The following SRL variants were observed in gnomAD, a reference collection of about 807,000 sequenced individuals.
SRL encodes the protein sarcalumenin.
SRL carries 23 observed loss-of-function variants against 39.5 expected under a neutral mutation model. The ratio of observed to expected loss-of-function variants is 0.58; its 90% CI spans 0.42 to 0.82. The LOEUF is 0.82. Ranked by LOEUF, SRL falls within the 40% of genes least tolerant of loss-of-function variation. SRL has a pLI of 0.00. For synonymous variants in SRL, 272 were observed against 237.4 expected, an observed-to-expected ratio of 1.15 and a Z score of -1.34; for missense variants, 592 against 607.8, an observed-to-expected ratio of 0.97 and a Z score of 0.27.
At position 4,191,768 on chromosome 16, in the gene SRL, G is replaced by A. The variant is rs948819823; in HGVS notation, c.*385C>T. 6.5e-5 allele frequency: 12 copies of A among 184,278 alleles called. No individual in the cohort carries two copies. The highest frequency in any genetic ancestry group is 6.1e-4 in the Admixed American group (11 of 18,086). 11.4% of individuals were successfully genotyped at this position (184,278 alleles called of 1,614,324 possible). ...TGGACCTGACAATCTCTACGACTCAGGCCTTCGCTGTTTTCCCAGCTCACA... is the reference window on the plus strand; with the variant it reads ...TGGACCTGACAATCTCTACGACTCAAGCCTTCGCTGTTTTCCCAGCTCACA... On this transcript the variant is annotated 3_prime_UTR_variant, in exon 6 of 6. Coordinates refer to ENST00000399609, the MANE Select transcript of SRL (RefSeq NM_001098814.2).
At chr16:4,209,289 A>T (rs1042411023) in intron 1 of SRL, among the ~76,000 whole-genome samples, 1 of 151,724 alleles carries the variant, frequency 6.6e-6, no homozygotes, top group African/African-American at 2.4e-5. Context: ...AAAAAGAAAA[A>T]AGAAAATGGG....
intron 1 of SRL, 106 bp downstream of exon 1, chr16:4,241,901 G>T: frequency 1.7e-6 from 2 of 1,208,992 alleles, no homozygotes; most frequent in Non-Finnish European, 2.4e-6. Flanking sequence ...CAAGAGCCAG[G>T]GTTTGCCATC....
chr16:4,215,168 A>G (rs2052442653), intron 1 of SRL, among the ~76,000 whole-genome samples: 1 of 152,124 alleles, frequency 6.6e-6, no homozygotes, highest in East Asian at 1.9e-4. Context: ...GCTTGTCTGC[A>G]TTCTCCCAGG....
intron 3 of SRL, among the ~76,000 whole-genome samples, chr16:4,199,992 C>CA (rs2052204770): frequency 6.9e-6 from 1 of 144,788 alleles, no homozygotes; most frequent in African/African-American, 2.9e-5. Flanking sequence ...CCCCCACACC[C>CA]GGCCCCATCT....
rs370784490 is a variant in SRL, at chr16:4,197,862, C to G, written c.313G>C (p.Gly105Arg). Residue 105 changes from glycine to arginine, a missense_variant, in exon 4 of 6, where the codon GGT becomes CGT. Gly to Arg is a moderately radical substitution (Grantham distance 125). Coordinates refer to ENST00000399609, the MANE Select transcript of SRL (RefSeq NM_001098814.2). Reference sequence around the variant, plus strand: ...AGGTAGTTTATCATGGTAGATTTACCAACACTCCACGGTCCCAGGAACAGT... The same window carrying G: ...AGGTAGTTTATCATGGTAGATTTACGAACACTCCACGGTCCCAGGAACAGT... ...MVLFLGPWSV[G>R]KSTMINYLLG... 24 of 1,613,980 alleles carry G rather than the reference C, an allele frequency of 1.5e-5. No individual in the cohort carries two copies. The highest frequency in any genetic ancestry group is 1.7e-5 in the Non-Finnish European group (20 of 1,179,992).
rs183837248 is a variant in SRL at position 4,208,670 on chromosome 16, C to T, written c.62-4036G>A. 8.5e-5 allele frequency among the ~76,000 whole-genome samples: 13 copies of T among 152,320 alleles called. No homozygotes were observed. The East Asian group carries it at 2.3e-3, about 27-fold the overall frequency. Reference sequence around the variant, plus strand: ...GGCCGGATAATCTTAGGTTACACAGCACGGTGCTTAAGGGATTACTTGTGG... The same window carrying T: ...GGCCGGATAATCTTAGGTTACACAGTACGGTGCTTAAGGGATTACTTGTGG... On this transcript the variant is annotated intron_variant, in intron 1 of 5. Transcript: ENST00000399609.
chr16:4,207,060 CCTTCCTGGGGCTCCCTGG>C (rs2052330113), intron 1 of SRL: 2 of 452,670 alleles, frequency 4.4e-6, no homozygotes, highest in South Asian at 1.6e-5. Flanking sequence ...CAGATCCCCG[CCTTCCTGGGGCTCCCTGG>C]CTTCCTGGGG....
intron 4 of SRL, among the ~76,000 whole-genome samples, chr16:4,197,268 C>A (rs190884792): frequency 1.3e-5 from 2 of 151,694 alleles, no homozygotes; most frequent in African/African-American, 4.8e-5. Context: ...CGGGGTTTCA[C>A]CATGTTGGCC....
intron 4 of SRL, 135 bp downstream of exon 4, chr16:4,197,664 T>G: frequency 1.4e-6 from 1 of 709,058 alleles, no homozygotes; most frequent in Admixed American, 2.0e-5. Context: ...CGGCCTCAAG[T>G]GATCCACTGC....
intron 3 of SRL, among the ~76,000 whole-genome samples, chr16:4,200,451 G>T (rs544398250): frequency 9.8e-5 from 15 of 152,324 alleles, no homozygotes; most frequent in African/African-American, 3.6e-4. Flanking sequence ...AGGTGAGCCT[G>T]GGAGAGGTTA....
chr16:4,199,634 G>T (rs1227684945), intron 3 of SRL, among the ~76,000 whole-genome samples: 1 of 149,040 alleles, frequency 6.7e-6, no homozygotes, highest in Non-Finnish European at 1.5e-5. Context: ...GCCTCCCAAA[G>T]TGCTTCTATT....
intron 2 of SRL, 149 bp downstream of exon 2, chr16:4,204,384 A>G (rs575530401): frequency 4.8e-4 from 63 of 131,110 alleles, no homozygotes; most frequent in East Asian, 9.2e-4. Context: ...CTCTTCCCCA[A>G]CGTCCCCTCC....
chr16:4,233,561 G>C (rs776992303), intron 1 of SRL, among the ~76,000 whole-genome samples: 1 of 151,988 alleles, frequency 6.6e-6, no homozygotes, highest in African/African-American at 2.4e-5. Flanking sequence ...GACTGCTGGT[G>C]GGGGGGTGTT....
rs554230231 is a variant in SRL at position 4,224,504 on chromosome 16, G to A, written c.61+17503C>T. Among the ~76,000 whole-genome samples the A allele has an allele frequency of 3.3e-5, 5 of 152,196 alleles. No individual in the cohort carries two copies. In the East Asian group the frequency reaches 5.8e-4, roughly 18 times the overall value. On this transcript the variant is annotated intron_variant, in intron 1 of 5. Transcript: ENST00000399609. ...GAGGATTGCTTGAGCTCAGCAGTTCGAGACCAACCTGGGCAACAGGGTGAA... is the reference window on the plus strand; with the variant it reads ...GAGGATTGCTTGAGCTCAGCAGTTCAAGACCAACCTGGGCAACAGGGTGAA...
chr16:4,196,822 G>A (rs2052152864), intron 4 of SRL, among the ~76,000 whole-genome samples: 1 of 152,014 alleles, frequency 6.6e-6, no homozygotes, highest in African/African-American at 2.4e-5. Flanking sequence ...TTGTCCTCTT[G>A]TGTCTGTCTT....
At chr16:4,214,249 C>T (rs1376817469) in intron 1 of SRL, among the ~76,000 whole-genome samples, 3 of 152,176 alleles carry the variant, frequency 2.0e-5, no homozygotes, top group Non-Finnish European at 4.4e-5. Flanking sequence ...TATTCCAGCC[C>T]GTCCAAGTCT....
intron 1 of SRL, among the ~76,000 whole-genome samples, chr16:4,222,809 C>T (rs1456311544): frequency 6.6e-6 from 1 of 152,136 alleles, no homozygotes; most frequent in Non-Finnish European, 1.5e-5. Context: ...AAGTACAATT[C>T]CTGGCGAGAT....
At chr16:4,230,531 C>G (rs1232298455) in intron 1 of SRL, among the ~76,000 whole-genome samples, 1 of 151,770 alleles carries the variant, frequency 6.6e-6, no homozygotes, top group Non-Finnish European at 1.5e-5. Flanking sequence ...CAGGCGGGCA[C>G]CACTATGACT....
rs370580981 is a variant in SRL at position 4,228,414 on chromosome 16, C to T, written c.61+13593G>A. ...TTGCACCACTGCACTCCAACCCGGGCGACAGAGCGAGACTCCACCTTGAAA... is the reference window on the plus strand; with the variant it reads ...TTGCACCACTGCACTCCAACCCGGGTGACAGAGCGAGACTCCACCTTGAAA... On this transcript the variant is annotated intron_variant, in intron 1 of 5. Coordinates refer to ENST00000399609, the MANE Select transcript of SRL (RefSeq NM_001098814.2). Among the ~76,000 whole-genome samples, 186 of 151,420 alleles carry T rather than the reference C, an allele frequency of 1.2e-3. 1 individual carries two copies. Among genetic ancestry groups the T allele is most frequent in the Non-Finnish European group, 1.7e-3 (112 of 67,850 alleles).
Sources: gnomAD v4.1 joint callset for allele counts (sites outside exome capture counted in the v4.1 genomes callset) on GRCh38, gnomAD v4.1.1 for gene constraint, MANE v1.5 for transcripts, NCBI Gene and HGNC (gene_info 2026-07-23, HGNC 2026-07-21) for gene names.